The following OPCML variants were observed in gnomAD, a reference collection of about 807,000 sequenced individuals.
The protein encoded by OPCML is opioid-binding protein/cell adhesion molecule.
OPCML carries 13 observed loss-of-function variants against 37.8 expected under a neutral mutation model. The observed-to-expected ratio is 0.34, with a 90% CI of 0.22 to 0.55. The LOEUF is 0.55. Among genes scored for constraint, OPCML ranks in the 20% least tolerant of loss-of-function variants. The pLI is 0.91. For synonymous variants in OPCML, 176 were observed against 168.8 expected, an observed-to-expected ratio of 1.04 and a Z score of -0.33; for missense variants, 341 against 435.6, an observed-to-expected ratio of 0.78 and a Z score of 1.93.
chr11:132,720,586 C>T (rs937940364), intron 2 of OPCML, among the ~76,000 whole-genome samples: 1 of 152,158 alleles, frequency 6.6e-6, no homozygotes, highest in Admixed American at 6.5e-5. Flanking sequence ...CTTTCAAAAC[C>T]TCATCAGCAT....
chr11:133,221,523 G>C (rs940542384), intron 1 of OPCML, among the ~76,000 whole-genome samples: 1 of 152,178 alleles, frequency 6.6e-6, no homozygotes, highest in African/African-American at 2.4e-5. Context: ...ATGGTGGGGG[G>C]TATTCGGAAA....
At chr11:132,421,870 G>A (rs965295886) in intron 7 of OPCML, among the ~76,000 whole-genome samples, 1 of 152,148 alleles carries the variant, frequency 6.6e-6, no homozygotes, top group African/African-American at 2.4e-5. Context: ...AGCTAGAAAT[G>A]CTCAGGTTGA....
intron 3 of OPCML, among the ~76,000 whole-genome samples, chr11:132,563,333 AAATTTGCATCTATAAGTGTGAGTG>A (rs2096414769): frequency 6.6e-6 from 1 of 152,082 alleles, no homozygotes; most frequent in South Asian, 2.1e-4. Context: ...ACTCCATGTT[AAATTTGCATCTATAAGTGTGAGTG>A]AGAAAGAGGT....
At chr11:133,077,891 C>T (rs545879820) in intron 1 of OPCML, among the ~76,000 whole-genome samples, 2 of 152,142 alleles carry the variant, frequency 1.3e-5, no homozygotes, top group Non-Finnish European at 1.5e-5. Context: ...GGAATACAAG[C>T]ACTTCACACA....
intron 1 of OPCML, among the ~76,000 whole-genome samples, chr11:133,260,563 CT>C (rs952934117): frequency 1.3e-5 from 2 of 152,008 alleles, no homozygotes; most frequent in African/African-American, 2.4e-5. Context: ...TAAGATCTAA[CT>C]TTTTTTCAAG....
chr11:132,707,013 G>A (rs1309442337), intron 2 of OPCML, among the ~76,000 whole-genome samples: 1 of 152,204 alleles, frequency 6.6e-6, no homozygotes, highest in Non-Finnish European at 1.5e-5. Context: ...TCTGGGGATG[G>A]AAGAAAGTTG....
At chr11:133,000,650 A>C (rs1322110564) in intron 1 of OPCML, among the ~76,000 whole-genome samples, 2 of 152,240 alleles carry the variant, frequency 1.3e-5, no homozygotes, top group African/African-American at 4.8e-5. Flanking sequence ...GTAATAAGGA[A>C]GGCATAGAAA....
intron 2 of OPCML, among the ~76,000 whole-genome samples, chr11:132,916,192 G>A (rs118001915): frequency 5.9e-5 from 9 of 152,142 alleles, no homozygotes; most frequent in Middle Eastern, 6.8e-3. Context: ...ACATATATAT[G>A]CATCCTTATA....
intron 2 of OPCML, among the ~76,000 whole-genome samples, chr11:132,814,816 T>A (rs1170508310): frequency 6.6e-6 from 1 of 152,132 alleles, no homozygotes; most frequent in Non-Finnish European, 1.5e-5. Context: ...CAGACTCCAA[T>A]GAAATAGAAG....
Position 132,707,586 on chromosome 11 carries a change from C to T in OPCML, c.147-50267G>A, listed in dbSNP as rs192177855. The stretch of plus-strand genomic sequence containing the variant: ...GACACATTATTACATTATCCAGGCA[C>T]ATGGCTGAGAAATGGTTCAAAGGGG... On this transcript the variant is annotated intron_variant, in intron 2 of 7. Coordinates refer to ENST00000524381, the MANE Select transcript of OPCML (RefSeq NM_001012393.5). Among the ~76,000 whole-genome samples the T allele has an allele frequency of 4.8e-3, 734 of 152,266 alleles. 7 individuals carry two copies. The highest frequency in any genetic ancestry group is 0.017 in the African/African-American group (690 of 41,548).
At chr11:133,429,841 G>A (rs935253454) in intron 1 of OPCML, among the ~76,000 whole-genome samples, 4 of 152,172 alleles carry the variant, frequency 2.6e-5, no homozygotes, top group African/African-American at 9.6e-5. Context: ...AGACATCTAG[G>A]TGGAAATGTT....
At chr11:132,437,172 C>T (rs746207360) in intron 5 of OPCML, 50 bp downstream of exon 5, 2 of 1,599,610 alleles carry the variant, frequency 1.3e-6, no homozygotes, top group East Asian at 2.2e-5. Context: ...TGTCCACCTA[C>T]TCCCTGTGCC....
intron 3 of OPCML, among the ~76,000 whole-genome samples, chr11:132,612,663 T>G (rs1164822141): frequency 6.6e-6 from 1 of 152,162 alleles, no homozygotes; most frequent in East Asian, 1.9e-4. Context: ...AGCAGAGGCT[T>G]GAGAAGCCAA....
chr11:132,749,022 C>T (rs1483418421), intron 2 of OPCML, among the ~76,000 whole-genome samples: 2 of 152,294 alleles, frequency 1.3e-5, no homozygotes, highest in East Asian at 3.9e-4. Flanking sequence ...TCCCAATACA[C>T]ACTGTGATGT....
chr11:133,499,872 A>AT (rs1490464880), intron 1 of OPCML, among the ~76,000 whole-genome samples: 13 of 115,726 alleles, frequency 1.1e-4, no homozygotes, highest in East Asian at 2.2e-4. Flanking sequence ...ATATATATAT[A>AT]TATTTTTTTT....
At chr11:133,437,093 C>A (rs1473111912) in intron 1 of OPCML, among the ~76,000 whole-genome samples, 1 of 152,204 alleles carries the variant, frequency 6.6e-6, no homozygotes, top group Non-Finnish European at 1.5e-5. Context: ...TTTAGCACAT[C>A]TATCTAATTT....
chr11:132,814,346 A>C (rs1345367019), intron 2 of OPCML, among the ~76,000 whole-genome samples: 1 of 152,180 alleles, frequency 6.6e-6, no homozygotes, highest in Non-Finnish European at 1.5e-5. Context: ...ATAATCTGCC[A>C]AGTACAAGCT....
chr11:132,532,834 G>T (rs1311796677), intron 3 of OPCML, among the ~76,000 whole-genome samples: 1 of 152,124 alleles, frequency 6.6e-6, no homozygotes, highest in Non-Finnish European at 1.5e-5. Context: ...GCTTGCCAAG[G>T]AAGGTATTCA....
At chr11:132,931,204 A>G (rs1404928852) in intron 2 of OPCML, among the ~76,000 whole-genome samples, 1 of 152,118 alleles carries the variant, frequency 6.6e-6, no homozygotes, top group Non-Finnish European at 1.5e-5. Context: ...AGCTAAAACT[A>G]TTAAAAAAAA....
Sources: gnomAD v4.1 joint callset for allele counts (sites outside exome capture counted in the v4.1 genomes callset) on GRCh38, gnomAD v4.1.1 for gene constraint, MANE v1.5 for transcripts, NCBI Gene and HGNC (gene_info 2026-07-23, HGNC 2026-07-21) for gene names.